CNIH4: variants seen among roughly 807,000 people sequenced by gnomAD.
CNIH4 encodes the protein protein cornichon homolog 4.
Under a neutral mutation model 21.5 loss-of-function variants are expected in CNIH4, and 9 were observed. That is an observed-to-expected ratio of 0.42 (90% confidence interval 0.25 to 0.73). The LOEUF is 0.73. Among genes scored for constraint, CNIH4 ranks in the 30% least tolerant of loss-of-function variants. CNIH4 has a pLI of 0.27. For synonymous variants in CNIH4, 67 were observed against 59.1 expected (o/e 1.13, Z -0.61); for missense variants, 159 against 170.0 (o/e 0.94, Z 0.36).
Position 224,365,890 on chromosome 1 carries a change from A to G in CNIH4, c.150A>G (p.Pro50=). The G allele has an allele frequency of 6.2e-7, 1 of 1,603,340 alleles. No homozygotes were observed. The highest frequency in any genetic ancestry group is 8.5e-7 in the Non-Finnish European group (1 of 1,170,162). The change falls in exon 3 of 5, where the codon CCA becomes CCG. Residue 50 remains proline, a synonymous_variant. Transcript: ENST00000465271. ...CCSKLNKWVI[P]ELIGHTIVTV... ...TTCTTCCATTGCAGTGGGTAATTCC[A>G]GAATTGATTGGCCATACCATTGTCA...
Position 224,376,636 on chromosome 1 carries a change from T to C in CNIH4, c.*814T>C. On this transcript the variant is annotated 3_prime_UTR_variant, in exon 5 of 5. Coordinates refer to ENST00000465271, the MANE Select transcript of CNIH4 (RefSeq NM_014184.4). ...ATCAGATTAGAAGCAGGAATAGTTA[T>C]TTGCTGTCTGTGAAATTGAGCCTTT... is the stretch of plus-strand genomic sequence containing the variant. 1.0e-6 allele frequency: 1 copy of C among 985,448 alleles called. No homozygotes were observed. The highest frequency in any genetic ancestry group is 1.2e-6 in the Non-Finnish European group (1 of 829,950). 61.0% of individuals were successfully genotyped at this position (985,448 alleles called of 1,614,324 possible).
chr1:224,364,193 G>C (rs1200390680), intron 2 of CNIH4: 54 of 983,672 alleles, frequency 5.5e-5, no homozygotes, highest in Non-Finnish European at 5.8e-5. Flanking sequence ...TTCGAGACCA[G>C]CTCTGGTAAC....
chr1:224,367,185 T>C (rs184962073), intron 3 of CNIH4, among the ~76,000 whole-genome samples: 1 of 152,300 alleles, frequency 6.6e-6, no homozygotes, highest in Non-Finnish European at 1.5e-5. Context: ...CATTTTTAGG[T>C]TTTATTTCAT....
rs528428783 is a variant in CNIH4, at chr1:224,357,287, G to T, written c.69+294G>T. The T allele has an allele frequency of 3.1e-5, 10 of 319,272 alleles. No homozygotes were observed. The East Asian group carries it at 6.0e-4, about 19-fold the overall frequency. The allele number at this position is 319,272 out of a possible 1,614,324, so 19.8% of individuals were successfully genotyped here. A position where few individuals can be genotyped will look rare whatever the true frequency, so the allele number is the denominator to read the frequency against. On this transcript the variant is annotated intron_variant, in intron 1 of 4. Coordinates refer to ENST00000465271, the MANE Select transcript of CNIH4 (RefSeq NM_014184.4). ...GGGCGCGCCCCGTCTCGGCCTGCCC[G>T]CCTGCTCTCCGCTCGTCCCCGCGGC...
chr1:224,375,965 T>A lies in CNIH4; in HGVS notation c.*143T>A, dbSNP rs1672770289. 7.4e-7 allele frequency: 1 copy of A among 1,345,554 alleles called. No homozygotes were observed. 83.4% of individuals were successfully genotyped at this position (1,345,554 alleles called of 1,614,324 possible). A position where few individuals can be genotyped will look rare whatever the true frequency, so the allele number is the denominator to read the frequency against. On this transcript the variant is annotated 3_prime_UTR_variant, in exon 5 of 5. Transcript: ENST00000465271. ...CAAAAAACTATTTTTGCTGTATTTT[T>A]ACCATATAAAGTATTTAAAAAACAT... is the stretch of plus-strand genomic sequence containing the variant.
Position 224,376,580 on chromosome 1 carries a change from G to A in CNIH4, c.*758G>A, listed in dbSNP as rs537544260. ...AATTGTATTTGATCTCCCTGATAAC[G>A]TATTTTCATGGGTTTGGGTAGAAGA... On this transcript the variant is annotated 3_prime_UTR_variant, in exon 5 of 5. Transcript: ENST00000465271. The A allele has an allele frequency of 1.9e-5, 19 of 985,378 alleles. No individual in the cohort carries two copies. In the South Asian group the frequency reaches 4.2e-4, roughly 22 times the overall value. 61.0% of individuals were successfully genotyped at this position (985,378 alleles called of 1,614,324 possible).
Position 224,360,485 on chromosome 1 carries a change from T to C in CNIH4, c.70-10T>C, listed in dbSNP as rs749540630. On this transcript the variant is annotated splice_polypyrimidine_tract_variant and intron_variant, in intron 1 of 4. Transcript: ENST00000465271. ...AAAGAAATATAATAATTCCTTATCT[T>C]GATCATCAGATAATTACATTGTCTG... The C allele has an allele frequency of 1.5e-6, 2 of 1,321,718 alleles. No homozygotes were observed. The highest frequency in any genetic ancestry group is 5.3e-5 in the Admixed American group (2 of 37,492). 81.9% of individuals were successfully genotyped at this position (1,321,718 alleles called of 1,614,324 possible).
In CNIH4 at chr1:224,376,494, C is replaced by T. The variant is rs1212557563; in HGVS notation, c.*672C>T. On this transcript the variant is annotated 3_prime_UTR_variant, in exon 5 of 5. Transcript: ENST00000465271. Reference sequence around the variant, plus strand: ...AAAAGCTACTACCTCCACAATCACCCCCAAACCCAGAAAATCCCCACTGGC... The same window carrying T: ...AAAAGCTACTACCTCCACAATCACCTCCAAACCCAGAAAATCCCCACTGGC... 3.0e-6 allele frequency: 3 copies of T among 985,284 alleles called. No individual in the cohort carries two copies. Among genetic ancestry groups the T allele is most frequent in the African/African-American group, 1.7e-5 (1 of 57,220 alleles). 61.0% of individuals were successfully genotyped at this position (985,284 alleles called of 1,614,324 possible).
chr1:224,379,029 C>T lies in CNIH4; in HGVS notation c.*3207C>T, dbSNP rs1015642135. On this transcript the variant is annotated 3_prime_UTR_variant, in exon 5 of 5. Transcript: ENST00000465271. ...GAGTGCTCCTATGTGCATCTTAGTA[C>T]GTATCATTTTCCCTTGCCTTTTTCC... 12 of 1,547,236 alleles carry T rather than the reference C, an allele frequency of 7.8e-6. No homozygotes were observed. The highest frequency in any genetic ancestry group is 2.0e-5 in the Admixed American group (1 of 50,986).
intron 3 of CNIH4, among the ~76,000 whole-genome samples, chr1:224,367,099 A>G (rs913162612): frequency 6.6e-6 from 1 of 152,234 alleles, no homozygotes; most frequent in African/African-American, 2.4e-5. Context: ...TAGACATAGC[A>G]TACTTTCTTG....
rs1002039789 is a variant in CNIH4 at position 224,379,389 on chromosome 1, C to T, written c.*3567C>T. 3 of 411,656 alleles carry T rather than the reference C, an allele frequency of 7.3e-6. No individual in the cohort carries two copies. The East Asian group carries it at 1.4e-4, about 19-fold the overall frequency. The allele number at this position is 411,656 out of a possible 1,614,324, so 25.5% of individuals were successfully genotyped here. A position where few individuals can be genotyped will look rare whatever the true frequency, so the allele number is the denominator to read the frequency against. ...TCATATTTGTATCTTCTTCCTTCTG[C>T]TCTTGGCACCTAACACAGTGCCTTG... is the stretch of plus-strand genomic sequence containing the variant. On this transcript the variant is annotated 3_prime_UTR_variant, in exon 5 of 5. Transcript: ENST00000465271.
At chr1:224,374,512 T>C (rs1005514189) in intron 4 of CNIH4, among the ~76,000 whole-genome samples, 26 of 152,148 alleles carry the variant, frequency 1.7e-4, no homozygotes, top group African/African-American at 6.3e-4. Flanking sequence ...CCTCCCAGGT[T>C]CCAGGGATTC....
chr1:224,376,459 G>A lies in CNIH4; in HGVS notation c.*637G>A. 1.0e-6 allele frequency: 1 copy of A among 985,362 alleles called. No homozygotes were observed. Among genetic ancestry groups the A allele is most frequent in the Non-Finnish European group, 1.2e-6 (1 of 829,930 alleles). The allele number at this position is 985,362 out of a possible 1,614,324, so 61.0% of individuals were successfully genotyped here. On this transcript the variant is annotated 3_prime_UTR_variant, in exon 5 of 5. Coordinates refer to ENST00000465271, the MANE Select transcript of CNIH4 (RefSeq NM_014184.4). The stretch of plus-strand genomic sequence containing the variant: ...ATAGAAAGGAAATATTTTGTCAAGA[G>A]CTTTCATTTAAAAGCTACTACCTCC...
intron 2 of CNIH4, among the ~76,000 whole-genome samples, chr1:224,365,272 A>G (rs1672417625): frequency 6.6e-6 from 1 of 152,240 alleles, no homozygotes. Flanking sequence ...CTGTTGATGC[A>G]TGAGAACTAG....
Position 224,376,036 on chromosome 1 carries a change from G to A in CNIH4, c.*214G>A, listed in dbSNP as rs989770480. The A allele has an allele frequency of 1.5e-5, 19 of 1,253,458 alleles. No homozygotes were observed. Among genetic ancestry groups the A allele is most frequent in the South Asian group, 6.0e-5 (2 of 33,238 alleles). 77.6% of individuals were successfully genotyped at this position (1,253,458 alleles called of 1,614,324 possible). ...TCTAGTTCTCAACTTTAGCCTGAAC[G>A]CCAACACTTGAAGGTGTTTTTCATC... On this transcript the variant is annotated 3_prime_UTR_variant, in exon 5 of 5. Transcript: ENST00000465271.
Position 224,360,559 on chromosome 1 carries a change from A to G in CNIH4, c.134A>G (p.Asn45Ser). Residue 45 changes from asparagine to serine, a missense_variant, in exon 2 of 5, where the codon AAC becomes AGC. Coordinates refer to ENST00000465271, the MANE Select transcript of CNIH4 (RefSeq NM_014184.4). ...INARSCCSKL[N>S]KWVIPELIGH... ...GCTAGATCATGTTGCTCAAAATTAA[A>G]CAAGGTAAGACATTTCTTTGCTCAT... The G allele has an allele frequency of 6.9e-7, 1 of 1,457,142 alleles. No homozygotes were observed. The highest frequency in any genetic ancestry group is 9.2e-7 in the Non-Finnish European group (1 of 1,091,284). The allele number at this position is 1,457,142 out of a possible 1,614,324, so 90.3% of individuals were successfully genotyped here.
intron 2 of CNIH4, among the ~76,000 whole-genome samples, chr1:224,365,161 C>G (rs1335476512): frequency 5.9e-5 from 9 of 152,132 alleles, no homozygotes; most frequent in African/African-American, 1.9e-4. Flanking sequence ...CAGTTTCTTT[C>G]ATTAAATATT....
In CNIH4 at chr1:224,358,886, ATT is replaced by A. The variant is rs573309191; in HGVS notation, c.70-1606_70-1605del. 1.2e-3 allele frequency among the ~76,000 whole-genome samples: 181 copies of A among 152,336 alleles called. 1 individual carries two copies. Among genetic ancestry groups the A allele is most frequent in the African/African-American group, 4.2e-3 (175 of 41,582 alleles). On this transcript the variant is annotated intron_variant, in intron 1 of 4. Coordinates refer to ENST00000465271, the MANE Select transcript of CNIH4 (RefSeq NM_014184.4). The stretch of plus-strand genomic sequence containing the variant: ...TTTGATGAAATTCAGCATATTCTGT[ATT>A]TTAGAATAGTTGCACTAACTTAGGG...
rs1454712991 is a variant in CNIH4 at position 224,376,308 on chromosome 1, CTG to C, written c.*488_*489del. 13 of 985,374 alleles carry C rather than the reference CTG, an allele frequency of 1.3e-5. No homozygotes were observed. Among genetic ancestry groups the C allele is most frequent in the Non-Finnish European group, 1.6e-5 (13 of 829,988 alleles). The allele number at this position is 985,374 out of a possible 1,614,324, so 61.0% of individuals were successfully genotyped here. On this transcript the variant is annotated 3_prime_UTR_variant, in exon 5 of 5. Coordinates refer to ENST00000465271, the MANE Select transcript of CNIH4 (RefSeq NM_014184.4). ...TAATATGGTTTAAAGATTTATGAGA[CTG>C]TCAGCTAAAAGTCTTTTCACAAGAA...
Sources: allele counts gnomAD v4.1 joint callset (sites outside exome capture counted in the v4.1 genomes callset), GRCh38; gene constraint gnomAD v4.1.1; transcripts MANE v1.5; gene names NCBI Gene and HGNC (gene_info 2026-07-23, HGNC 2026-07-21).